IL1RAPL1: variants seen among roughly 807,000 people sequenced by gnomAD.
The protein encoded by IL1RAPL1 is interleukin-1 receptor accessory protein-like 1.
A neutral mutation model predicts 48.4 loss-of-function variants in IL1RAPL1; 3 were observed. The observed-to-expected ratio is 0.06, with a 90% CI of 0.03 to 0.16. The LOEUF (loss-of-function observed/expected upper bound fraction) is 0.16, where lower values mean the gene tolerates loss of function less well. Ranked by LOEUF, IL1RAPL1 falls within the 10% of genes least tolerant of loss-of-function variation. IL1RAPL1 has a pLI of 1.00. For synonymous variants in IL1RAPL1, 185 were observed against 187.7 expected (o/e 0.99, Z 0.12); for missense variants, 349 against 530.6 (o/e 0.66, Z 3.36).
chrX:29,748,890 A>T (rs1206226960), intron 6 of IL1RAPL1, among the ~76,000 whole-genome samples: 1 of 111,919 alleles, frequency 8.9e-6, no homozygotes, highest in Non-Finnish European at 1.9e-5. Flanking sequence ...TTTTAGAGTC[A>T]TCTAAAAAAA....
intron 3 of IL1RAPL1, among the ~76,000 whole-genome samples, chrX:29,387,619 G>A (rs1384819807): frequency 8.9e-6 from 1 of 112,352 alleles, no homozygotes; most frequent in African/African-American, 3.2e-5. Context: ...TTTCAGTGCA[G>A]AGTATCTTTA....
intron 6 of IL1RAPL1, among the ~76,000 whole-genome samples, chrX:29,778,010 T>C (rs1365466383): frequency 9.1e-6 from 1 of 110,476 alleles, no homozygotes; most frequent in East Asian, 2.8e-4. Flanking sequence ...CGATATATAT[T>C]GTATAAATAG....
chrX:29,080,936 C>G (rs867182354), intron 2 of IL1RAPL1, among the ~76,000 whole-genome samples: 1 of 29,888 alleles, frequency 3.3e-5, no homozygotes, highest in Non-Finnish European at 5.4e-5. Context: ...TTCTTTCTTT[C>G]TTTCTTTCTT....
At chrX:29,065,451 A>G (rs895179032) in intron 2 of IL1RAPL1, among the ~76,000 whole-genome samples, 5 of 111,804 alleles carry the variant, frequency 4.5e-5, no homozygotes, top group Non-Finnish European at 7.5e-5. Context: ...TTGTTGAGTT[A>G]AAGATTTTCT....
chrX:29,930,460 C>A (rs920902613), intron 8 of IL1RAPL1, among the ~76,000 whole-genome samples: 1 of 111,545 alleles, frequency 9.0e-6, no homozygotes, highest in Non-Finnish European at 1.9e-5. Flanking sequence ...AGCCATAGAT[C>A]AATTACCTAT....
At chrX:28,642,957 T>C (rs757635846) in intron 1 of IL1RAPL1, among the ~76,000 whole-genome samples, 128 of 110,744 alleles carry the variant, frequency 1.2e-3, no homozygotes, top group African/African-American at 4.1e-3. Flanking sequence ...GGTGTGATCT[T>C]GGCTCAATGC....
At chrX:28,909,082 A>G (rs73631626) in intron 2 of IL1RAPL1, among the ~76,000 whole-genome samples, 317 of 111,326 alleles carry the variant, frequency 2.8e-3, no homozygotes, top group African/African-American at 9.8e-3. Context: ...TGTCTTTGAT[A>G]CTTAAAGTGG....
At chrX:29,382,118 T>C (rs1933719289) in intron 3 of IL1RAPL1, among the ~76,000 whole-genome samples, 1 of 110,383 alleles carries the variant, frequency 9.1e-6, no homozygotes. Context: ...TGCTGTTGCA[T>C]AAATTGGAGC....
intron 2 of IL1RAPL1, among the ~76,000 whole-genome samples, chrX:29,068,576 A>G (rs1927497715): frequency 8.9e-6 from 1 of 112,636 alleles, no homozygotes; most frequent in Non-Finnish European, 1.9e-5. Flanking sequence ...TTTTCCAGGT[A>G]CAGAGAGATG....
intron 3 of IL1RAPL1, among the ~76,000 whole-genome samples, chrX:29,333,323 G>A (rs2147636253): frequency 9.3e-6 from 1 of 107,802 alleles, no homozygotes; most frequent in East Asian, 3.0e-4. Flanking sequence ...TGGCCAGGCA[G>A]AGGGGCTCCT....
rs540442851 is a variant in IL1RAPL1, at chrX:28,937,317, A to G, written c.82+147892A>G. On this transcript the variant is annotated intron_variant, in intron 2 of 10. Coordinates refer to ENST00000378993, the MANE Select transcript of IL1RAPL1 (RefSeq NM_014271.4). ...AATATCTAGGCATAAGGTAAAATCT[A>G]TTATTATGCTTGGGTCCTTAGGCTG... 1.9e-4 allele frequency among the ~76,000 whole-genome samples: 21 copies of G among 111,116 alleles called. No individual in the cohort carries two copies. The South Asian group carries it at 6.8e-3, about 36-fold the overall frequency.
intron 2 of IL1RAPL1, among the ~76,000 whole-genome samples, chrX:29,196,600 C>T (rs1389771493): frequency 9.0e-6 from 1 of 111,096 alleles, no homozygotes; most frequent in East Asian, 2.8e-4. Context: ...GTTAACCCAT[C>T]ATTATTGCTT....
chrX:29,924,221 A>T (rs1467205501), intron 8 of IL1RAPL1, among the ~76,000 whole-genome samples: 2 of 112,193 alleles, frequency 1.8e-5, no homozygotes, highest in Non-Finnish European at 3.8e-5. Flanking sequence ...CCTTGCTCTA[A>T]CTATGTGATA....
At chrX:29,416,089 A>T (rs1208485330) in intron 5 of IL1RAPL1, among the ~76,000 whole-genome samples, 2 of 111,846 alleles carry the variant, frequency 1.8e-5, no homozygotes, top group Non-Finnish European at 3.8e-5. Context: ...TGTGTATTAT[A>T]CTTAATGGGG....
chrX:28,802,630 T>C (rs1936689163), intron 2 of IL1RAPL1, among the ~76,000 whole-genome samples: 1 of 112,370 alleles, frequency 8.9e-6, no homozygotes. Flanking sequence ...GTATTCCAAA[T>C]ATTATGTTGT....
intron 2 of IL1RAPL1, among the ~76,000 whole-genome samples, chrX:29,156,391 A>C (rs1340508746): frequency 8.9e-6 from 1 of 112,097 alleles, no homozygotes; most frequent in Admixed American, 9.5e-5. Context: ...TCTATCATAG[A>C]TCACAGTTGG....
chrX:28,708,530 C>T (rs1935401502), intron 1 of IL1RAPL1, among the ~76,000 whole-genome samples: 1 of 111,584 alleles, frequency 9.0e-6, no homozygotes, highest in Admixed American at 9.6e-5. Context: ...TTTATTGCAG[C>T]ACTATTCACA....
intron 1 of IL1RAPL1, among the ~76,000 whole-genome samples, chrX:28,606,766 A>T (rs1934088822): frequency 1.8e-5 from 2 of 111,900 alleles, no homozygotes; most frequent in African/African-American, 6.5e-5. Context: ...AGCTAACAAA[A>T]AAATGATATT....
At chrX:29,136,763 A>G (rs1929137590) in intron 2 of IL1RAPL1, among the ~76,000 whole-genome samples, 1 of 112,099 alleles carries the variant, frequency 8.9e-6, no homozygotes. Flanking sequence ...ATTATTCAGT[A>G]TGGATAATGT....
Sources: gnomAD v4.1 joint callset for allele counts (sites outside exome capture counted in the v4.1 genomes callset) on GRCh38, gnomAD v4.1.1 for gene constraint, MANE v1.5 for transcripts, NCBI Gene and HGNC (gene_info 2026-07-23, HGNC 2026-07-21) for gene names.